Variants in PSD3 observed in about 807,000 individuals in gnomAD.
PSD3 encodes PH and SEC7 domain-containing protein 3.
A neutral mutation model predicts 105.5 loss-of-function variants in PSD3; 49 were observed. The ratio of observed to expected loss-of-function variants is 0.46; its 90% CI spans 0.37 to 0.59. PSD3 has a LOEUF of 0.59. Ranked by LOEUF, PSD3 falls within the 20% of genes least tolerant of loss-of-function variation. PSD3 has a pLI of 0.00. For synonymous variants in PSD3, 557 were observed against 457.8 expected (o/e 1.22, Z -2.77); for missense variants, 1,561 against 1,263.8 (o/e 1.24, Z -3.57).
chr8:19,016,713 G>T (rs1160655691), upstream of PSD3, among the ~76,000 whole-genome samples: 1 of 152,174 alleles, frequency 6.6e-6, no homozygotes, highest in East Asian at 1.9e-4. Context: ...GAAAAGAAAT[G>T]AATCTCTCAC....
intron 4 of PSD3, among the ~76,000 whole-genome samples, chr8:18,862,145 A>T (rs1364623147): frequency 6.6e-6 from 1 of 152,158 alleles, no homozygotes; most frequent in Non-Finnish European, 1.5e-5. Context: ...AGGCCACTTG[A>T]CTTTCTTTTC....
intron 15 of PSD3, among the ~76,000 whole-genome samples, chr8:18,538,989 C>T (rs557360757): frequency 1.3e-4 from 20 of 152,236 alleles, no homozygotes; most frequent in South Asian, 2.1e-4. Flanking sequence ...AGTTTGCAAA[C>T]GCCGTGCCCC....
intron 2 of PSD3, among the ~76,000 whole-genome samples, chr8:18,887,325 T>C (rs1047457008): frequency 1.3e-5 from 2 of 152,226 alleles, no homozygotes; most frequent in Non-Finnish European, 2.9e-5. Context: ...GTCATTTTAG[T>C]GACGATTGTA....
At chr8:18,873,703 T>C (rs1374132304) in intron 2 of PSD3, among the ~76,000 whole-genome samples, 5 of 152,166 alleles carry the variant, frequency 3.3e-5, no homozygotes, top group African/African-American at 1.2e-4. Flanking sequence ...TCTGCAATTT[T>C]GTATCCTTTG....
At chr8:18,854,946 G>A (rs1815885673) in intron 4 of PSD3, among the ~76,000 whole-genome samples, 1 of 152,184 alleles carries the variant, frequency 6.6e-6, no homozygotes. Flanking sequence ...ACACACAGCT[G>A]TCAGACACAG....
At chr8:18,564,819 C>A (rs575516198) in intron 14 of PSD3, among the ~76,000 whole-genome samples, 7 of 152,110 alleles carry the variant, frequency 4.6e-5, no homozygotes, top group African/African-American at 1.7e-4. Context: ...GGTCATACCA[C>A]AGGACAAAAG....
rs575306937 is a variant in PSD3 at position 18,977,183 on chromosome 8, A to T, written c.21+36380T>A. The stretch of plus-strand genomic sequence containing the variant: ...GCTGAGGCAGGAGAATCGCTTGAAC[A>T]CAGAAGGCGGAGGTTGCAGTGAGCT... On this transcript the variant is annotated intron_variant, in intron 1 of 15. Coordinates refer to ENST00000327040, the MANE Select transcript of PSD3 (RefSeq NM_015310.4). Among the ~76,000 whole-genome samples, 3 of 150,164 alleles carry T rather than the reference A, an allele frequency of 2.0e-5. No homozygotes were observed. The South Asian group carries it at 6.4e-4, about 32-fold the overall frequency.
intron 4 of PSD3, among the ~76,000 whole-genome samples, chr8:18,844,592 T>TA (rs1374733918): frequency 5.3e-5 from 8 of 151,870 alleles, no homozygotes; most frequent in African/African-American, 1.7e-4. Context: ...ACACTGATGC[T>TA]AAAAAAGAAA....
Position 18,534,173 on chromosome 8 carries a change from T to G in PSD3, c.*1570A>C, listed in dbSNP as rs1799739936. 1.3e-5 allele frequency: 2 copies of G among 152,480 alleles called. No homozygotes were observed. The highest frequency in any genetic ancestry group is 4.1e-4 in the South Asian group (2 of 4,832). The allele number at this position is 152,480 out of a possible 1,614,324, so 9.4% of individuals were successfully genotyped here. On this transcript the variant is annotated 3_prime_UTR_variant, in exon 16 of 16. Transcript: ENST00000327040. ...CTATTCCTGTAGAGCAGCTGATTCT[T>G]TGGTCATAGTACCTTCAACAAATAA...
Position 18,872,427 on chromosome 8 carries a change from A to G in PSD3, c.437T>C (p.Ile146Thr), listed in dbSNP as rs1586289298. ...SALKATEARI[I>T]SGTLQATKVL... ...CTTTGTAGCCTGTAATGTTCCGGAA[A>G]TGATTCTGGCTTCTGTGGCTTTCAG... The change falls in exon 3 of 16, where the codon ATT becomes ACT. Residue 146 changes from isoleucine to threonine, a missense_variant. Ile to Thr is a moderately conservative substitution (Grantham distance 89). Transcript: ENST00000327040. 1 of 1,614,200 alleles carries G rather than the reference A, an allele frequency of 6.2e-7. No homozygotes were observed. Among genetic ancestry groups the G allele is most frequent in the Admixed American group, 1.7e-5 (1 of 60,018 alleles).
intron 8 of PSD3, among the ~76,000 whole-genome samples, chr8:18,784,125 T>G (rs909542508): frequency 6.6e-6 from 1 of 152,200 alleles, no homozygotes; most frequent in Non-Finnish European, 1.5e-5. Context: ...TGAGCATTTT[T>G]CATGTACACT....
chr8:18,783,772 A>C (rs557477308), intron 8 of PSD3, among the ~76,000 whole-genome samples: 3 of 152,304 alleles, frequency 2.0e-5, no homozygotes, highest in African/African-American at 7.2e-5. Context: ...AACTGGGATG[A>C]TAGGTGCATG....
At chr8:18,696,983 C>T (rs1399691934) in intron 9 of PSD3, among the ~76,000 whole-genome samples, 1 of 151,994 alleles carries the variant, frequency 6.6e-6, no homozygotes, top group Non-Finnish European at 1.5e-5. Context: ...GTCTATAATC[C>T]CAGCACTTTG....
intron 1 of PSD3, among the ~76,000 whole-genome samples, chr8:19,047,519 T>G (rs1828364008): frequency 6.6e-6 from 1 of 151,796 alleles, no homozygotes; most frequent in Admixed American, 6.6e-5. Context: ...GTGGAGGGGG[T>G]AAATGAATGG....
intron 11 of PSD3, 74 bp from the exon 12 acceptor site, chr8:18,600,508 G>A (rs2130570181): frequency 2.5e-6 from 3 of 1,219,834 alleles, no homozygotes; most frequent in South Asian, 2.6e-5. Context: ...TGATCAACAT[G>A]GTGACAGTGT....
intron 4 of PSD3, among the ~76,000 whole-genome samples, chr8:18,831,086 T>A (rs780468484): frequency 8.0e-5 from 10 of 124,560 alleles, no homozygotes; most frequent in Non-Finnish European, 1.2e-4. Context: ...GACGTTTGCT[T>A]CTGTGCCTCA....
At chr8:18,699,285 A>T (rs542465577) in intron 9 of PSD3, among the ~76,000 whole-genome samples, 1 of 152,346 alleles carries the variant, frequency 6.6e-6, no homozygotes, top group South Asian at 2.1e-4. Flanking sequence ...AAATGGAAAG[A>T]GGCTGCTGTA....
At chr8:18,832,988 T>C (rs561448420) in intron 4 of PSD3, among the ~76,000 whole-genome samples, 473 of 152,296 alleles carry the variant, frequency 3.1e-3, no homozygotes, top group Non-Finnish European at 5.5e-3. Flanking sequence ...GCAGATATGC[T>C]CTCTGGCATG....
At chr8:18,680,626 C>G (rs1005880656) in intron 9 of PSD3, among the ~76,000 whole-genome samples, 2 of 151,990 alleles carry the variant, frequency 1.3e-5, no homozygotes, top group East Asian at 1.9e-4. Context: ...GAGGTTGATA[C>G]AAACATTATT....
Sources: allele counts gnomAD v4.1 joint callset (sites outside exome capture counted in the v4.1 genomes callset), GRCh38; gene constraint gnomAD v4.1.1; transcripts MANE v1.5; gene names NCBI Gene and HGNC (gene_info 2026-07-23, HGNC 2026-07-21).